Variants in PLCB1 observed in about 807,000 individuals in gnomAD.
The protein encoded by PLCB1 is 1-phosphatidylinositol 4,5-bisphosphate phosphodiesterase beta-1.
In PLCB1, 46 loss-of-function variants were observed where a neutral mutation model predicts 161.8. The observed-to-expected ratio is 0.28, with a 90% CI of 0.22 to 0.36. The LOEUF (loss-of-function observed/expected upper bound fraction) is 0.36. Ranked by LOEUF, PLCB1 falls within the 10% of genes least tolerant of loss-of-function variation. The pLI, the probability that PLCB1 is intolerant of heterozygous loss-of-function variation, is 1.00. For missense variants in PLCB1, 1,016 were observed against 1,472.5 expected (o/e 0.69, Z 5.07); for synonymous variants, 517 against 503.7 (o/e 1.03, Z -0.35).
intron 2 of PLCB1, among the ~76,000 whole-genome samples, chr20:8,181,263 A>G (rs1182847590): frequency 6.8e-6 from 1 of 146,134 alleles, no homozygotes; most frequent in Non-Finnish European, 1.5e-5. Context: ...AAAAAAAAAA[A>G]AAAAAAGAAT....
At chr20:8,352,467 A>G (rs1409736134) in intron 2 of PLCB1, among the ~76,000 whole-genome samples, 5 of 152,124 alleles carry the variant, frequency 3.3e-5, no homozygotes, top group African/African-American at 1.2e-4. Flanking sequence ...AAATGTACAA[A>G]TGTACTATGC....
intron 31 of PLCB1, among the ~76,000 whole-genome samples, chr20:8,850,586 G>T (rs1211491638): frequency 1.3e-5 from 2 of 152,170 alleles, no homozygotes; most frequent in East Asian, 3.9e-4. Context: ...ATTAAGTGAG[G>T]ACTTTACGAG....
intron 9 of PLCB1, among the ~76,000 whole-genome samples, chr20:8,669,893 C>T (rs1478527860): frequency 6.6e-6 from 1 of 152,170 alleles, no homozygotes; most frequent in African/African-American, 2.4e-5. Flanking sequence ...GGCCATGGTC[C>T]TTGCTCATAC....
rs574457343 is a variant in PLCB1 at position 8,355,445 on chromosome 20, T to C, written c.178-15937T>C. On this transcript the variant is annotated intron_variant, in intron 2 of 31. Transcript: ENST00000338037. ...TCTGTCCAATCTAACAGCTCCAGTA[T>C]CTCCTAGGGTCTCTCTGTCCTCTTT... Among the ~76,000 whole-genome samples the C allele has an allele frequency of 2.5e-4, 38 of 152,222 alleles. 2 individuals are homozygous for C. In the South Asian group the frequency reaches 6.2e-3, roughly 25 times the overall value.
chr20:8,626,177 C>CAAAAA (rs71184104), intron 3 of PLCB1, among the ~76,000 whole-genome samples: 3 of 117,476 alleles, frequency 2.6e-5, no homozygotes, highest in African/African-American at 6.2e-5. Context: ...GACTCCATCT[C>CAAAAA]AAAAAAAAAA....
chr20:8,382,524 C>A (rs931459253), intron 3 of PLCB1, among the ~76,000 whole-genome samples: 10 of 149,696 alleles, frequency 6.7e-5, no homozygotes, highest in African/African-American at 2.5e-4. Flanking sequence ...ACCTCGTAAT[C>A]CACCCATCTT....
intron 3 of PLCB1, among the ~76,000 whole-genome samples, chr20:8,409,843 G>T (rs1978963861): frequency 6.6e-6 from 1 of 152,076 alleles, no homozygotes; most frequent in Non-Finnish European, 1.5e-5. Context: ...TTAAGAAATT[G>T]ATATGAACTA....
intron 12 of PLCB1, among the ~76,000 whole-genome samples, chr20:8,714,723 G>A (rs1568570526): frequency 6.6e-6 from 1 of 152,156 alleles, no homozygotes; most frequent in Non-Finnish European, 1.5e-5. Context: ...CGGTTGCTGT[G>A]GAGGACTTTG....
intron 3 of PLCB1, among the ~76,000 whole-genome samples, chr20:8,623,175 A>T (rs2123203503): frequency 6.6e-6 from 1 of 152,068 alleles, no homozygotes; most frequent in East Asian, 1.9e-4. Context: ...ATGCTCCTTT[A>T]ACTTTATTTA....
chr20:8,707,753 G>A (rs1600265496), intron 11 of PLCB1, among the ~76,000 whole-genome samples: 3 of 152,150 alleles, frequency 2.0e-5, no homozygotes, highest in Non-Finnish European at 2.9e-5. Context: ...CAACAGTTGG[G>A]GAATGGTTAA....
chr20:8,855,268 A>G (rs1206696158), intron 31 of PLCB1, among the ~76,000 whole-genome samples: 1 of 152,208 alleles, frequency 6.6e-6, no homozygotes, highest in Admixed American at 6.5e-5. Flanking sequence ...AAGATAAAAG[A>G]ACACCTGAGT....
intron 9 of PLCB1, among the ~76,000 whole-genome samples, chr20:8,664,225 T>C (rs1179786571): frequency 6.6e-6 from 1 of 152,194 alleles, no homozygotes; most frequent in African/African-American, 2.4e-5. Flanking sequence ...TAAGGTATAC[T>C]ATACAAAAGC....
chr20:8,833,701 T>A (rs1375584113), intron 31 of PLCB1, among the ~76,000 whole-genome samples: 2 of 152,210 alleles, frequency 1.3e-5, no homozygotes, highest in African/African-American at 4.8e-5. Flanking sequence ...TTCAGATTTC[T>A]GGCCTCCAGA....
chr20:8,656,783 C>T (rs1989470146), intron 7 of PLCB1, among the ~76,000 whole-genome samples: 1 of 135,802 alleles, frequency 7.4e-6, no homozygotes, highest in Non-Finnish European at 1.6e-5. Context: ...AAAAAAGATT[C>T]AAGTAGGAAA....
chr20:8,514,489 A>G (rs1404954003), intron 3 of PLCB1, among the ~76,000 whole-genome samples: 1 of 147,528 alleles, frequency 6.8e-6, no homozygotes, highest in African/African-American at 2.4e-5. Context: ...CCTGGGCAAC[A>G]TGGCAAAACT....
At chr20:8,563,166 A>AAT (rs1986198234) in intron 3 of PLCB1, among the ~76,000 whole-genome samples, 1 of 152,092 alleles carries the variant, frequency 6.6e-6, no homozygotes, top group Non-Finnish European at 1.5e-5. Context: ...TGTGTTGGCA[A>AAT]ATAAGACTTG....
chr20:8,141,796 CTT>C (rs1568567763), intron 1 of PLCB1: 1 of 152,226 alleles, frequency 6.6e-6, no homozygotes, highest in African/African-American at 2.4e-5. Flanking sequence ...CAGCAAGACT[CTT>C]TATATCTGTT....
At chr20:8,358,540 C>T (rs780371418) in intron 2 of PLCB1, among the ~76,000 whole-genome samples, 3 of 152,070 alleles carry the variant, frequency 2.0e-5, no homozygotes, top group African/African-American at 4.8e-5. Context: ...CGTGAGCCAC[C>T]GAGCCCGGCG....
chr20:8,871,564 T>C (rs1987610273), intron 31 of PLCB1, among the ~76,000 whole-genome samples: 1 of 152,232 alleles, frequency 6.6e-6, no homozygotes, highest in Non-Finnish European at 1.5e-5. Context: ...CCCGTATCCA[T>C]TGCTTGTCAC....
Sources: gnomAD v4.1 joint callset for allele counts (sites outside exome capture counted in the v4.1 genomes callset) on GRCh38, gnomAD v4.1.1 for gene constraint, MANE v1.5 for transcripts, NCBI Gene and HGNC (gene_info 2026-07-23, HGNC 2026-07-21) for gene names.